KRT8: variants seen among roughly 807,000 people sequenced by gnomAD.
KRT8 encodes the protein keratin, type II cytoskeletal 8.
KRT8 carries 24 observed loss-of-function variants against 43.0 expected under a neutral mutation model. That is an observed-to-expected ratio of 0.56 (90% CI 0.40 to 0.78). KRT8 has a LOEUF of 0.78. Among genes scored for constraint, KRT8 ranks in the 30% least tolerant of loss-of-function variants. The pLI is 0.00. For synonymous variants in KRT8, 214 were observed against 261.2 expected (o/e 0.82, Z 1.74); for missense variants, 492 against 638.4 (o/e 0.77, Z 2.47).
chr12:52,900,857 T>G (rs758434470), intron 3 of KRT8, 174 bp from the exon 4 acceptor site: 1 of 656,832 alleles, frequency 1.5e-6, no homozygotes, highest in Non-Finnish European at 2.8e-6. Flanking sequence ...CCCACACACC[T>G]TCACCTCTGC....
intron 2 of KRT8, 173 bp downstream of exon 2, chr12:52,901,691 A>G: frequency 1.6e-6 from 1 of 636,120 alleles, no homozygotes. Flanking sequence ...CAATTGTGCT[A>G]GGAACCTGGG....
intron 2 of KRT8, among the ~76,000 whole-genome samples, chr12:52,928,570 T>A (rs1942032715): frequency 6.6e-6 from 1 of 152,070 alleles, no homozygotes; most frequent in Admixed American, 6.6e-5. Flanking sequence ...TTTATTCCCC[T>A]CTACTTGTAG....
At chr12:52,947,948 T>C (rs1942375403) in intron 2 of KRT8, 1 of 152,112 alleles carries the variant, frequency 6.6e-6, no homozygotes, top group African/African-American at 2.4e-5. Context: ...TCACAGTAGG[T>C]GCTGAATGCA....
chr12:52,902,659 A>G (rs12809309), intron 1 of KRT8, among the ~76,000 whole-genome samples: 56,162 of 151,534 alleles, frequency 0.37, 10,693 homozygotes, highest in Middle Eastern at 0.41. Flanking sequence ...AAGTGCTGGG[A>G]TTATAGGCGT....
At chr12:52,904,993 G>A (rs1390693759) in exon 1 of KRT8, 1 of 1,601,716 alleles carries the variant, frequency 6.2e-7, no homozygotes, top group Admixed American at 1.7e-5. Flanking sequence ...GTAGAGGCAG[G>A]AGTGGAGGCA....
chr12:52,922,577 G>A (rs1439461894), intron 2 of KRT8, among the ~76,000 whole-genome samples: 1 of 152,170 alleles, frequency 6.6e-6, no homozygotes, highest in Non-Finnish European at 1.5e-5. Context: ...GGAGGCTGAG[G>A]CAGGAGAATC....
At chr12:52,926,332 G>GCCCACCCC in intron 2 of KRT8, 5 of 600,268 alleles carry the variant, frequency 8.3e-6, no homozygotes, top group South Asian at 1.6e-5. Context: ...GGCACTAGCT[G>GCCCACCCC]CCCTCCCCAC....
intron 7 of KRT8, 37 bp downstream of exon 7, chr12:52,898,424 G>A: frequency 1.3e-6 from 2 of 1,593,226 alleles, no homozygotes; most frequent in Non-Finnish European, 1.7e-6. Flanking sequence ...CCTGGGCCCT[G>A]CCTCCCGCCC....
At chr12:52,918,256 G>GAAA (rs1555188355) in intron 2 of KRT8, among the ~76,000 whole-genome samples, 12 of 150,148 alleles carry the variant, frequency 8.0e-5, no homozygotes, top group Non-Finnish European at 1.6e-4. Context: ...AGAAGAAGAA[G>GAAA]AAACAAAACA....
At chr12:52,901,575 A>T (rs1344538780) in intron 2 of KRT8, 1 of 571,284 alleles carries the variant, frequency 1.8e-6, no homozygotes, top group Non-Finnish European at 3.1e-6. Flanking sequence ...AGTGAGGCCC[A>T]CAGGCTGCCT....
chr12:52,920,539 G>A (rs888492687), intron 2 of KRT8, among the ~76,000 whole-genome samples: 2 of 152,136 alleles, frequency 1.3e-5, no homozygotes, highest in Admixed American at 1.3e-4. Flanking sequence ...AGAGGTTGGG[G>A]TGAGCTGAGA....
chr12:52,902,538 C>T (rs1941398200), intron 1 of KRT8, among the ~76,000 whole-genome samples: 1 of 152,094 alleles, frequency 6.6e-6, no homozygotes, highest in African/African-American at 2.4e-5. Flanking sequence ...CACCTGCCTG[C>T]CACCACGCCC....
At chr12:52,926,259 C>A (rs1211743116) in intron 2 of KRT8, among the ~76,000 whole-genome samples, 1 of 151,680 alleles carries the variant, frequency 6.6e-6, no homozygotes, top group African/African-American at 2.4e-5. Context: ...CAGAGCTTCC[C>A]GTTGCCTTCA....
At chr12:52,909,783 T>C (rs1467889786), upstream of KRT8, among the ~76,000 whole-genome samples, 2 of 152,196 alleles carry the variant, frequency 1.3e-5, no homozygotes, top group African/African-American at 2.4e-5. Flanking sequence ...GCACTGAAGA[T>C]GAAAATCTGT....
chr12:52,930,890 G>A (rs945091911), intron 2 of KRT8, among the ~76,000 whole-genome samples: 13 of 151,846 alleles, frequency 8.6e-5, no homozygotes, highest in Non-Finnish European at 1.8e-4. Context: ...ACTTTCTTCC[G>A]TATATTTCCA....
upstream of KRT8, among the ~76,000 whole-genome samples, chr12:52,911,209 G>A (rs531547688): frequency 7.2e-5 from 11 of 152,158 alleles, no homozygotes; most frequent in South Asian, 4.1e-4. Context: ...GAAATTAGCC[G>A]GGCGTGGTAG....
chr12:52,904,774 G>A lies in KRT8; in HGVS notation c.208C>T (p.Gln70Ter). 6.2e-7 allele frequency: 1 copy of A among 1,612,444 alleles called. No homozygotes were observed. Among genetic ancestry groups the A allele is most frequent in the South Asian group, 1.1e-5 (1 of 91,012 alleles). ...AGGACAAGGGGGCTCAGCAGGCTCT[G>A]GTTGACCGTAACTGCGGTGATGCCT... The change falls in exon 1 of 8, where the codon CAG becomes TAG. Residue 70 changes from glutamine (Q) to a stop codon, truncating the protein, a stop_gained. Coordinates refer to ENST00000692008, the Ensembl canonical transcript of KRT8. LOFTEE classifies it high-confidence loss of function.
chr12:52,914,520 A>G (rs552246515), intron 2 of KRT8, among the ~76,000 whole-genome samples: 7 of 152,238 alleles, frequency 4.6e-5, no homozygotes. Context: ...CTGGGCAACA[A>G]CAGTGAAACT....
intron 2 of KRT8, among the ~76,000 whole-genome samples, chr12:52,919,048 A>G (rs574765080): frequency 3.9e-5 from 6 of 152,210 alleles, no homozygotes; most frequent in Admixed American, 2.6e-4. Context: ...AGCTTATAGG[A>G]TAGTAATAAA....
Sources: gnomAD v4.1 joint callset for allele counts (sites outside exome capture counted in the v4.1 genomes callset) on GRCh38, gnomAD v4.1.1 for gene constraint, MANE v1.5 for transcripts, NCBI Gene and HGNC (gene_info 2026-07-23, HGNC 2026-07-21) for gene names.